Variants in MROH9 observed in about 807,000 individuals in gnomAD.
MROH9 encodes the protein maestro heat like repeat family member 9.
In MROH9, 92 loss-of-function variants were observed where a neutral mutation model predicts 98.2. The observed-to-expected ratio is 0.94, with a 90% CI of 0.79 to 1.11. The LOEUF is 1.11. MROH9 is among the 50% of genes most tolerant of loss of function. The probability of loss-of-function intolerance (pLI) is 0.00; values close to 1 mark genes in which losing one functional copy is unlikely to be tolerated. For missense variants in MROH9, 1,057 were observed against 1,014.8 expected (o/e 1.04, Z -0.57); for synonymous variants, 397 against 368.9 (o/e 1.08, Z -0.87).
chr1:171,013,446 TGAG>T (rs1652225997), intron 15 of MROH9, among the ~76,000 whole-genome samples: 1 of 152,162 alleles, frequency 6.6e-6, no homozygotes, highest in Non-Finnish European at 1.5e-5. Context: ...CCTGATGATC[TGAG>T]GTAGAAGAGT....
chr1:170,956,595 G>GTTTTTTTTTTTTTT (rs5778690), intron 3 of MROH9, among the ~76,000 whole-genome samples: 2 of 104,608 alleles, frequency 1.9e-5, no homozygotes, highest in African/African-American at 3.8e-5. Context: ...TTTTTTTTTT[G>GTTTTTTTTTTTTTT]TTTTTTTTTT....
intron 1 of MROH9, among the ~76,000 whole-genome samples, chr1:170,936,446 G>A: frequency 6.6e-6 from 1 of 152,152 alleles, no homozygotes; most frequent in East Asian, 1.9e-4. Context: ...TCAATGGATT[G>A]GAAGATGTTG....
At chr1:171,048,569 G>T (rs918223938) in intron 20 of MROH9, among the ~76,000 whole-genome samples, 2 of 152,122 alleles carry the variant, frequency 1.3e-5, no homozygotes, top group African/African-American at 2.4e-5. Context: ...CCCAAGGCAG[G>T]TCTAAAAATA....
intron 8 of MROH9, among the ~76,000 whole-genome samples, chr1:170,978,763 G>C (rs939902247): frequency 2.0e-5 from 3 of 152,170 alleles, no homozygotes; most frequent in Non-Finnish European, 4.4e-5. Flanking sequence ...GTCTGGTGAG[G>C]AGAAGGACTG....
At chr1:171,057,522 A>C (rs1196662445) in intron 20 of MROH9, among the ~76,000 whole-genome samples, 3 of 152,220 alleles carry the variant, frequency 2.0e-5, no homozygotes, top group African/African-American at 7.2e-5. Flanking sequence ...GGACGAAAGG[A>C]AACAAGCTGG....
chr1:170,986,818 C>A lies in MROH9; in HGVS notation c.879+108C>A, dbSNP rs78907302. The stretch of plus-strand genomic sequence containing the variant: ...TTTATATGTATTTCTTGTCATTGTT[C>A]ATTATATGACTTCAATATAATGAGG... On this transcript the variant is annotated intron_variant, in intron 10 of 21. Coordinates refer to ENST00000367759, the MANE Select transcript of MROH9 (RefSeq NM_001163629.2). 3.8e-3 allele frequency: 4,524 copies of A among 1,204,726 alleles called. 138 individuals carry two copies. In the African/African-American group the frequency reaches 0.06, roughly 16 times the overall value. The allele number at this position is 1,204,726 out of a possible 1,614,324, so 74.6% of individuals were successfully genotyped here. A position where few individuals can be genotyped will look rare whatever the true frequency, so the allele number is the denominator to read the frequency against.
At chr1:171,007,551 A>G (rs28690060) in intron 15 of MROH9, among the ~76,000 whole-genome samples, 11 of 152,194 alleles carry the variant, frequency 7.2e-5, no homozygotes, top group African/African-American at 2.7e-4. Flanking sequence ...GCTGGTCACT[A>G]GACAGGAAGA....
At chr1:170,945,288 G>A (rs889340057) in intron 1 of MROH9, among the ~76,000 whole-genome samples, 3 of 152,116 alleles carry the variant, frequency 2.0e-5, no homozygotes, top group African/African-American at 4.8e-5. Flanking sequence ...GAGTCCAGCT[G>A]TGTGAGACCC....
At chr1:170,948,596 A>G (rs963290459) in intron 3 of MROH9, among the ~76,000 whole-genome samples, 1 of 152,118 alleles carries the variant, frequency 6.6e-6, no homozygotes, top group African/African-American at 2.4e-5. Flanking sequence ...CTTTTTGAGA[A>G]ACAAAGTAGA....
chr1:170,984,144 A>G (rs2101800331), intron 9 of MROH9, among the ~76,000 whole-genome samples: 1 of 152,278 alleles, frequency 6.6e-6, no homozygotes, highest in East Asian at 1.9e-4. Context: ...ATTGGGGCCC[A>G]GGTTGGGATT....
chr1:170,970,472 G>A (rs779968067), intron 7 of MROH9, among the ~76,000 whole-genome samples: 1 of 152,070 alleles, frequency 6.6e-6, no homozygotes, highest in Non-Finnish European at 1.5e-5. Context: ...CTAGAGCAGA[G>A]GCTGTCTGCT....
At chr1:170,966,606 A>G (rs1650244640) in intron 7 of MROH9, among the ~76,000 whole-genome samples, 1 of 152,074 alleles carries the variant, frequency 6.6e-6, no homozygotes. Flanking sequence ...CTGAATTTTT[A>G]CTATTTTGTT....
rs934837135 is a variant in MROH9, at chr1:171,029,241, C to CT, written c.2281+3822dup. 6.1e-4 allele frequency among the ~76,000 whole-genome samples: 92 copies of CT among 151,210 alleles called. 1 individual carries two copies. Among genetic ancestry groups the CT allele is most frequent in the African/African-American group, 2.1e-3 (87 of 41,226 alleles). On this transcript the variant is annotated intron_variant, in intron 20 of 21. Transcript: ENST00000367759. Reference sequence around the variant, plus strand: ...AGGGTTTTGTTTTTTTTTTCGGAGTCTGCTCGTTGCCCAGGCTGGAGTGCA... The same window carrying CT: ...AGGGTTTTGTTTTTTTTTTCGGAGTCTTGCTCGTTGCCCAGGCTGGAGTGCA...
intron 20 of MROH9, among the ~76,000 whole-genome samples, chr1:171,030,266 G>A (rs535141747): frequency 1.3e-5 from 2 of 151,750 alleles, no homozygotes; most frequent in Non-Finnish European, 2.9e-5. Context: ...TTTTTGGAGG[G>A]CTTTTCGTGT....
intron 20 of MROH9, among the ~76,000 whole-genome samples, chr1:171,061,224 T>C (rs1020575256): frequency 2.6e-5 from 4 of 152,206 alleles, no homozygotes; most frequent in Non-Finnish European, 5.9e-5. Flanking sequence ...ACAGTATCAA[T>C]TGTTCGGAGG....
intron 17 of MROH9, among the ~76,000 whole-genome samples, chr1:171,019,638 G>A (rs1416972743): frequency 6.6e-6 from 1 of 150,532 alleles, no homozygotes; most frequent in African/African-American, 2.5e-5. Context: ...GCGACAGAAC[G>A]AGACTCCATC....
rs1378479963 is a variant in MROH9 at position 171,061,988 on chromosome 1, A to G, written c.2282-144A>G. The G allele has an allele frequency of 4.9e-6, 3 of 610,672 alleles. No homozygotes were observed. In the South Asian group the frequency reaches 6.1e-5, roughly 12 times the overall value. 37.8% of individuals were successfully genotyped at this position (610,672 alleles called of 1,614,324 possible). On this transcript the variant is annotated intron_variant, in intron 20 of 21. Transcript: ENST00000367759. ...TTTCAATAAACAATTTTATGAGACA[A>G]TAATTAAAAGTACTAAAAGATGACT...
intron 17 of MROH9, among the ~76,000 whole-genome samples, chr1:171,019,097 C>A (rs1161985533): frequency 6.6e-6 from 1 of 152,162 alleles, no homozygotes. Context: ...TTCAAAAGAA[C>A]TGAAATCATA....
At chr1:170,978,985 C>T (rs1464384844) in intron 8 of MROH9, among the ~76,000 whole-genome samples, 3 of 152,130 alleles carry the variant, frequency 2.0e-5, no homozygotes, top group East Asian at 3.9e-4. Context: ...TGAGGGATTG[C>T]TGGAGATCCA....
Sources: allele counts gnomAD v4.1 joint callset (sites outside exome capture counted in the v4.1 genomes callset), GRCh38; gene constraint gnomAD v4.1.1; transcripts MANE v1.5; gene names NCBI Gene and HGNC (gene_info 2026-07-23, HGNC 2026-07-21).